Variants in ZNF385D observed in about 807,000 individuals in gnomAD.
ZNF385D encodes zinc finger protein 385D.
Under a neutral mutation model 35.8 loss-of-function variants are expected in ZNF385D, and 15 were observed. The ratio of observed to expected loss-of-function variants is 0.42; its 90% CI spans 0.28 to 0.64. The LOEUF (loss-of-function observed/expected upper bound fraction) is 0.64. Among genes scored for constraint, ZNF385D ranks in the 30% least tolerant of loss-of-function variants. The probability of loss-of-function intolerance (pLI) is 0.23; values close to 1 mark genes in which losing one functional copy is unlikely to be tolerated. For missense variants in ZNF385D, 474 were observed against 494.6 expected, an observed-to-expected ratio of 0.96 and a Z score of 0.39; for synonymous variants, 212 against 186.8, an observed-to-expected ratio of 1.13 and a Z score of -1.10.
Position 21,868,553 on chromosome 3 carries a change from G to A in ZNF385D, c.326-203525C>T, listed in dbSNP as rs141117242. ...ATTCCTTCCTTCCATTTTCTTCCTC[G>A]TCATCTATTCAGAGACAAATGTTTT... On this transcript the variant is annotated intron_variant, in intron 3 of 5. Transcript: ENST00000494108. 2.6e-3 allele frequency among the ~76,000 whole-genome samples: 400 copies of A among 151,808 alleles called. 1 individual carries two copies. The highest frequency in any genetic ancestry group is 9.3e-3 in the African/African-American group (383 of 41,404).
chr3:21,600,657 C>T (rs1427592020), intron 2 of ZNF385D, among the ~76,000 whole-genome samples: 6 of 151,730 alleles, frequency 4.0e-5, no homozygotes, highest in African/African-American at 1.2e-4. Context: ...TTTCAAAATA[C>T]AAGACAGACC....
At chr3:21,965,300 T>G (rs959275949) in intron 3 of ZNF385D, among the ~76,000 whole-genome samples, 1 of 152,192 alleles carries the variant, frequency 6.6e-6, no homozygotes, top group Non-Finnish European at 1.5e-5. Context: ...ATGCCACATA[T>G]TGGTATGTGT....
chr3:22,153,221 G>T (rs1656800931), intron 3 of ZNF385D, among the ~76,000 whole-genome samples: 1 of 152,088 alleles, frequency 6.6e-6, no homozygotes, highest in Admixed American at 6.6e-5. Context: ...CCTCCTGTCT[G>T]CTGATGGTGC....
chr3:21,923,073 G>A (rs1700552791), intron 3 of ZNF385D, among the ~76,000 whole-genome samples: 1 of 152,064 alleles, frequency 6.6e-6, no homozygotes. Context: ...TAGGGTACAT[G>A]TGCACAACAT....
At chr3:21,425,919 T>A (rs1701001115) in intron 5 of ZNF385D, among the ~76,000 whole-genome samples, 1 of 152,216 alleles carries the variant, frequency 6.6e-6, no homozygotes, top group Non-Finnish European at 1.5e-5. Flanking sequence ...ATTCATTTTT[T>A]TTCTAATGCT....
chr3:21,960,829 G>C (rs1258773896), intron 3 of ZNF385D, among the ~76,000 whole-genome samples: 2 of 152,122 alleles, frequency 1.3e-5, no homozygotes, highest in African/African-American at 4.8e-5. Context: ...GTCAGGCACA[G>C]AAATAAATAC....
At chr3:21,664,266 A>G (rs556483218) in intron 2 of ZNF385D, among the ~76,000 whole-genome samples, 1 of 152,152 alleles carries the variant, frequency 6.6e-6, no homozygotes, top group Non-Finnish European at 1.5e-5. Flanking sequence ...AAAAGTGAAA[A>G]CAGAGGCAAG....
intron 1 of ZNF385D, among the ~76,000 whole-genome samples, chr3:21,723,980 A>G (rs2068648365): frequency 6.6e-6 from 1 of 152,192 alleles, no homozygotes; most frequent in Non-Finnish European, 1.5e-5. Flanking sequence ...GCCAGAAGAG[A>G]GTGGGGGCCA....
At chr3:21,629,665 A>G (rs2065227508) in intron 2 of ZNF385D, among the ~76,000 whole-genome samples, 1 of 152,130 alleles carries the variant, frequency 6.6e-6, no homozygotes, top group Admixed American at 6.6e-5. Context: ...TTCCACCAAA[A>G]GATGGGGAGC....
intron 2 of ZNF385D, among the ~76,000 whole-genome samples, chr3:22,222,258 G>A (rs1036628469): frequency 2.6e-5 from 4 of 151,606 alleles, no homozygotes; most frequent in African/African-American, 7.3e-5. Context: ...CATGAGCCAC[G>A]TCCGGCTAAC....
chr3:22,068,011 G>A (rs376435350), intron 3 of ZNF385D, among the ~76,000 whole-genome samples: 1 of 149,552 alleles, frequency 6.7e-6, no homozygotes, highest in African/African-American at 2.4e-5. Flanking sequence ...GACTCCACTG[G>A]AAAAAAAAAA....
chr3:21,854,478 G>T (rs1329386916), intron 3 of ZNF385D, among the ~76,000 whole-genome samples: 1 of 151,832 alleles, frequency 6.6e-6, no homozygotes, highest in African/African-American at 2.4e-5. Flanking sequence ...AATAATATAG[G>T]CCTTGCACTT....
rs566392384 is a variant in ZNF385D at position 22,117,935 on chromosome 3, C to G, written c.325+50882G>C. Among the ~76,000 whole-genome samples the G allele has an allele frequency of 4.7e-4, 71 of 152,126 alleles. 1 individual carries two copies. The South Asian group carries it at 8.5e-3, about 18-fold the overall frequency. Reference sequence around the variant, plus strand: ...TTTCTTAACATCTGAACATGGTACTCTACTGCCCTCTCATGGATATTACAG... The same window carrying G: ...TTTCTTAACATCTGAACATGGTACTGTACTGCCCTCTCATGGATATTACAG... On this transcript the variant is annotated intron_variant, in intron 3 of 5. Coordinates refer to the ZNF385D transcript ENST00000494108.
intron 3 of ZNF385D, among the ~76,000 whole-genome samples, chr3:21,889,335 T>C (rs997438929): frequency 6.6e-6 from 1 of 151,954 alleles, no homozygotes; most frequent in Non-Finnish European, 1.5e-5. Context: ...AGATGCAAGA[T>C]GGGGGAGGTG....
intron 3 of ZNF385D, among the ~76,000 whole-genome samples, chr3:22,002,093 A>G (rs749103842): frequency 2.7e-5 from 4 of 145,832 alleles, no homozygotes; most frequent in Non-Finnish European, 6.0e-5. Flanking sequence ...AATACAAATT[A>G]GAGCAGAACT....
chr3:22,012,353 A>G (rs997427280), intron 3 of ZNF385D, among the ~76,000 whole-genome samples: 2 of 152,190 alleles, frequency 1.3e-5, no homozygotes, highest in African/African-American at 2.4e-5. Flanking sequence ...TCCTAAGGAC[A>G]TAACATGCTA....
rs74491586 is a variant in ZNF385D, at chr3:22,368,592, A to T, written c.106+3858T>A. On this transcript the variant is annotated intron_variant, in intron 2 of 5. Transcript: ENST00000494108. ...CAGGATCTTGGTGCCAGCAGATTCA[A>T]TGACTGCGGTGGGCCCTCTTCCTGG... Among the ~76,000 whole-genome samples, 316 of 152,288 alleles carry T rather than the reference A, an allele frequency of 2.1e-3. 1 individual carries two copies. Among genetic ancestry groups the T allele is most frequent in the African/African-American group, 7.3e-3 (304 of 41,564 alleles).
chr3:21,794,244 G>C (rs773175490), intron 3 of ZNF385D, among the ~76,000 whole-genome samples: 11 of 151,984 alleles, frequency 7.2e-5, no homozygotes, highest in Non-Finnish European at 1.2e-4. Flanking sequence ...AATTAAAAGA[G>C]AAGAAAAGAG....
chr3:22,329,713 G>T lies in ZNF385D; in HGVS notation c.106+42737C>A, dbSNP rs188816270. 1.8e-4 allele frequency among the ~76,000 whole-genome samples: 28 copies of T among 152,202 alleles called. 1 individual carries two copies. In the East Asian group the frequency reaches 5.2e-3, roughly 28 times the overall value. On this transcript the variant is annotated intron_variant, in intron 2 of 5. Transcript: ENST00000494108. ...ACTGTCCACTAGAAATGTAATGCAA[G>T]CCACATGTAATTTTATGTTTTTGTC... is the stretch of plus-strand genomic sequence containing the variant.
Sources: gnomAD v4.1 joint callset for allele counts (sites outside exome capture counted in the v4.1 genomes callset) on GRCh38, gnomAD v4.1.1 for gene constraint, MANE v1.5 for transcripts, NCBI Gene and HGNC (gene_info 2026-07-23, HGNC 2026-07-21) for gene names.